The following KDM4C variants were observed in gnomAD, a reference collection of about 807,000 sequenced individuals.
KDM4C encodes the protein lysine-specific demethylase 4C.
In KDM4C, 81 loss-of-function variants were observed where a neutral mutation model predicts 129.3. The ratio of observed to expected loss-of-function variants is 0.63; its 90% CI spans 0.52 to 0.75. KDM4C has a LOEUF of 0.75. KDM4C is among the 30% of genes least tolerant of loss of function. The pLI is 0.00. For missense variants in KDM4C, 1,457 were observed against 1,304.0 expected (o/e 1.12, Z -1.81); for synonymous variants, 573 against 456.1 (o/e 1.26, Z -3.26).
intron 8 of KDM4C, among the ~76,000 whole-genome samples, chr9:6,926,031 C>T (rs990330066): frequency 6.6e-6 from 1 of 152,086 alleles, no homozygotes; most frequent in Non-Finnish European, 1.5e-5. Context: ...CGAGCATAGC[C>T]GCTGCGAACT....
At chr9:6,789,975 C>T (rs972544152) in intron 1 of KDM4C, among the ~76,000 whole-genome samples, 1 of 151,690 alleles carries the variant, frequency 6.6e-6, no homozygotes, top group Non-Finnish European at 1.5e-5. Flanking sequence ...GAGATAGATG[C>T]TCATTTAAAC....
At chr9:7,102,749 C>T (rs1050250978) in intron 17 of KDM4C, among the ~76,000 whole-genome samples, 1 of 152,144 alleles carries the variant, frequency 6.6e-6, no homozygotes, top group Non-Finnish European at 1.5e-5. Flanking sequence ...AAGAAGAGCA[C>T]CAACATTTGA....
At chr9:6,989,360 T>G (rs1051099432) in intron 11 of KDM4C, among the ~76,000 whole-genome samples, 3 of 151,544 alleles carry the variant, frequency 2.0e-5, no homozygotes, top group Non-Finnish European at 4.4e-5. Flanking sequence ...GGGTTCAAAC[T>G]CTCTCTGATA....
chr9:6,776,257 C>T (rs1823010550), intron 1 of KDM4C, among the ~76,000 whole-genome samples: 1 of 152,068 alleles, frequency 6.6e-6, no homozygotes, highest in Non-Finnish European at 1.5e-5. Context: ...CCATGCCCCG[C>T]TCAACACATC....
At chr9:7,084,478 A>G (rs774421214) in intron 17 of KDM4C, among the ~76,000 whole-genome samples, 20 of 152,254 alleles carry the variant, frequency 1.3e-4, no homozygotes, top group Non-Finnish European at 2.4e-4. Flanking sequence ...AATAGGGTCC[A>G]TTATGTTAAT....
intron 3 of KDM4C, among the ~76,000 whole-genome samples, chr9:6,808,590 A>G (rs1460733426): frequency 1.3e-5 from 2 of 148,614 alleles, no homozygotes; most frequent in African/African-American, 2.5e-5. Flanking sequence ...TAGGAAAACC[A>G]GAGACCTTTG....
intron 18 of KDM4C, among the ~76,000 whole-genome samples, chr9:7,113,570 G>C (rs1159252898): frequency 6.6e-6 from 1 of 152,192 alleles, no homozygotes; most frequent in Non-Finnish European, 1.5e-5. Flanking sequence ...TCTGTTGATA[G>C]AGCAAGGGCT....
At chr9:6,990,620 C>A in intron 12 of KDM4C, 96 bp downstream of exon 12, 1 of 744,084 alleles carries the variant, frequency 1.3e-6, no homozygotes, top group Non-Finnish European at 2.2e-6. Context: ...AAAAATTCAA[C>A]AAGTAGCAAA....
At chr9:7,007,886 C>G (rs1821972109) in intron 12 of KDM4C, among the ~76,000 whole-genome samples, 1 of 151,874 alleles carries the variant, frequency 6.6e-6, no homozygotes, top group Admixed American at 6.6e-5. Flanking sequence ...TTTTCCCAAC[C>G]CATAAAAAAT....
Position 6,814,631 on chromosome 9 carries a change from A to T in KDM4C, c.321A>T (p.Lys107Asn), listed in dbSNP as rs775432617. 5.7e-6 allele frequency: 9 copies of T among 1,585,074 alleles called. No individual in the cohort carries two copies. The highest frequency in any genetic ancestry group is 2.3e-5 in the South Asian group (2 of 87,736). ...CATTTTTGTCATCTACCTTTTACAG[A>T]TATTGTACTCCAAGATACTTGGATT... is the stretch of plus-strand genomic sequence containing the variant. ...KEFRQLANSG[K>N]YCTPRYLDYE... The change falls in exon 4 of 22, where the codon AAA becomes AAT. Residue 107 changes from lysine to asparagine, a missense_variant and splice_region_variant. By Grantham distance (94) the Lys-to-Asn change is moderately conservative (BLOSUM62 0). Transcript: ENST00000381309.
intron 17 of KDM4C, among the ~76,000 whole-genome samples, chr9:7,056,662 GT>G (rs1444056956): frequency 6.6e-6 from 1 of 152,162 alleles, no homozygotes; most frequent in African/African-American, 2.4e-5. Context: ...TAAATTTTCA[GT>G]TTTGAAGTCA....
At chr9:7,078,371 G>T (rs2132906170) in intron 17 of KDM4C, among the ~76,000 whole-genome samples, 1 of 151,628 alleles carries the variant, frequency 6.6e-6, no homozygotes, top group East Asian at 1.9e-4. Context: ...GCTTTTAGCA[G>T]AGAAATTGTT....
chr9:6,863,038 A>G (rs1470100953), intron 5 of KDM4C, among the ~76,000 whole-genome samples: 1 of 152,090 alleles, frequency 6.6e-6, no homozygotes, highest in African/African-American at 2.4e-5. Context: ...TGGGGTACAC[A>G]TTTATATAAT....
intron 17 of KDM4C, among the ~76,000 whole-genome samples, chr9:7,091,299 TG>T (rs780767697): frequency 2.1e-5 from 3 of 144,464 alleles, no homozygotes; most frequent in Non-Finnish European, 3.0e-5. Flanking sequence ...TTTGGCAAAC[TG>T]GATAAACATA....
intron 15 of KDM4C, among the ~76,000 whole-genome samples, chr9:7,019,788 A>ATTATATTTTTATATATAAAAATATTATAT (rs1563993585): frequency 6.2e-5 from 9 of 144,484 alleles, no homozygotes; most frequent in Admixed American, 1.4e-4. Context: ...ATATAAAAAT[A>ATTATATTTTTATATATAAAAATATTATAT]TTTTAGAAGC....
intron 8 of KDM4C, among the ~76,000 whole-genome samples, chr9:6,911,049 G>A (rs1819204349): frequency 1.3e-5 from 2 of 152,018 alleles, no homozygotes; most frequent in Non-Finnish European, 2.9e-5. Context: ...TCTTTGCAGG[G>A]TTTTAATTTG....
At chr9:6,838,344 T>A (rs1432961720) in intron 4 of KDM4C, among the ~76,000 whole-genome samples, 5 of 152,186 alleles carry the variant, frequency 3.3e-5, no homozygotes, top group Non-Finnish European at 7.3e-5. Flanking sequence ...TGCACAGTGA[T>A]CTTTGCTTGT....
At chr9:6,788,317 A>G (rs534345681) in intron 1 of KDM4C, among the ~76,000 whole-genome samples, 1 of 152,050 alleles carries the variant, frequency 6.6e-6, no homozygotes, top group African/African-American at 2.4e-5. Flanking sequence ...TGACTCAGTG[A>G]TTTCCTTTTT....
At chr9:6,797,802 G>A (rs1828032819) in intron 2 of KDM4C, among the ~76,000 whole-genome samples, 1 of 152,210 alleles carries the variant, frequency 6.6e-6, no homozygotes, top group African/African-American at 2.4e-5. Flanking sequence ...TTATTTCAAG[G>A]CAAGTAGTGC....
Sources: allele counts gnomAD v4.1 joint callset (sites outside exome capture counted in the v4.1 genomes callset), GRCh38; gene constraint gnomAD v4.1.1; transcripts MANE v1.5; gene names NCBI Gene and HGNC (gene_info 2026-07-23, HGNC 2026-07-21).